Variants in IGSF11 observed in about 807,000 individuals in gnomAD.
The protein encoded by IGSF11 is CXADR like 1.
IGSF11 carries 22 observed loss-of-function variants against 41.0 expected under a neutral mutation model. That is an observed-to-expected ratio of 0.54 (90% CI 0.38 to 0.77). The LOEUF is 0.77. IGSF11 is among the 30% of genes least tolerant of loss of function. IGSF11 has a pLI of 0.00. For missense variants in IGSF11, 444 were observed against 530.8 expected, an observed-to-expected ratio of 0.84 and a Z score of 1.61; for synonymous variants, 219 against 201.3, an observed-to-expected ratio of 1.09 and a Z score of -0.74.
At chr3:119,098,720 T>A (rs2076894956) in intron 1 of IGSF11, among the ~76,000 whole-genome samples, 2 of 152,224 alleles carry the variant, frequency 1.3e-5, no homozygotes, top group Admixed American at 1.3e-4. Flanking sequence ...GGAAAAGGCA[T>A]TTTGTGCAAT....
At chr3:119,042,926 A>G (rs892793262) in intron 1 of IGSF11, among the ~76,000 whole-genome samples, 1 of 152,154 alleles carries the variant, frequency 6.6e-6, no homozygotes, top group Non-Finnish European at 1.5e-5. Flanking sequence ...AGAGCTCCCA[A>G]GATGGTGGCG....
chr3:119,045,061 C>G (rs1272770383), intron 1 of IGSF11, among the ~76,000 whole-genome samples: 2 of 152,190 alleles, frequency 1.3e-5, no homozygotes, highest in Non-Finnish European at 2.9e-5. Flanking sequence ...TCAATACTAA[C>G]ACTGAATGTA....
intron 1 of IGSF11, among the ~76,000 whole-genome samples, chr3:118,965,202 A>G (rs750138465): frequency 1.6e-4 from 25 of 151,958 alleles, no homozygotes; most frequent in Non-Finnish European, 3.2e-4. Context: ...AATATAAATA[A>G]CCCCCAGATC....
At position 118,928,539 on chromosome 3, in the gene IGSF11, T is replaced by TCCTGCC; in HGVS notation, c.388_393dup (p.Gly130_Arg131dup). 6.2e-7 allele frequency: 1 copy of TCCTGCC among 1,613,278 alleles called. No individual in the cohort carries two copies. Among genetic ancestry groups the TCCTGCC allele is most frequent in the Non-Finnish European group, 8.5e-7 (1 of 1,179,948 alleles). On this transcript the variant is annotated inframe_insertion, in exon 3 of 7. Transcript: ENST00000393775. ...ACTGTGAGACCGGTGACCCCAATGT[T>TCCTGCC]CCTGCCCCCTATGTCTGGAAGGTTG...
chr3:118,953,694 T>G (rs985562727), intron 1 of IGSF11, among the ~76,000 whole-genome samples: 1 of 152,074 alleles, frequency 6.6e-6, no homozygotes, highest in Non-Finnish European at 1.5e-5. Flanking sequence ...TGGCCACTTG[T>G]ATGTCTTCTT....
intron 1 of IGSF11, among the ~76,000 whole-genome samples, chr3:119,074,614 G>C (rs950635574): frequency 6.6e-6 from 1 of 151,024 alleles, no homozygotes; most frequent in African/African-American, 2.4e-5. Flanking sequence ...CCAGCACTTT[G>C]GGAGGCCGAG....
At chr3:119,082,861 A>C (rs1466481634) in intron 1 of IGSF11, among the ~76,000 whole-genome samples, 1 of 152,230 alleles carries the variant, frequency 6.6e-6, no homozygotes, top group Non-Finnish European at 1.5e-5. Context: ...CCAAATCTAC[A>C]TAAAAGTAGG....
intron 1 of IGSF11, among the ~76,000 whole-genome samples, chr3:119,009,691 G>C (rs1008661677): frequency 2.0e-5 from 3 of 152,092 alleles, no homozygotes; most frequent in African/African-American, 7.2e-5. Flanking sequence ...ATGATCAACA[G>C]GAATTAACAG....
intron 1 of IGSF11, among the ~76,000 whole-genome samples, chr3:119,122,014 T>G (rs1461270134): frequency 6.6e-6 from 1 of 152,140 alleles, no homozygotes; most frequent in Non-Finnish European, 1.5e-5. Context: ...GAGTAGAAGG[T>G]TGCACTAATT....
At chr3:119,067,074 T>C (rs1311390451) in intron 1 of IGSF11, among the ~76,000 whole-genome samples, 1 of 152,194 alleles carries the variant, frequency 6.6e-6, no homozygotes, top group African/African-American at 2.4e-5. Flanking sequence ...ATACATCCTA[T>C]TTGTCTTGCC....
At chr3:118,924,382 G>GA (rs1034439303) in intron 4 of IGSF11, among the ~76,000 whole-genome samples, 1 of 151,810 alleles carries the variant, frequency 6.6e-6, no homozygotes, top group Non-Finnish European at 1.5e-5. Flanking sequence ...TAAATCTTCT[G>GA]AAAAAAATCT....
intron 1 of IGSF11, among the ~76,000 whole-genome samples, chr3:118,984,536 A>G (rs1292449211): frequency 6.6e-6 from 1 of 152,144 alleles, no homozygotes; most frequent in African/African-American, 2.4e-5. Flanking sequence ...GGATAGAAAA[A>G]AATAGAAAGA....
chr3:118,984,420 A>C (rs1935054389), intron 1 of IGSF11, among the ~76,000 whole-genome samples: 1 of 152,222 alleles, frequency 6.6e-6, no homozygotes, highest in African/African-American at 2.4e-5. Context: ...AATGTATCTA[A>C]GAAAAGAACT....
Position 119,080,101 on chromosome 3 carries a change from TTATC to T in IGSF11, c.49+25039_49+25042del, listed in dbSNP as rs531618390. On this transcript the variant is annotated intron_variant, in intron 1 of 6. Transcript: ENST00000354673. The stretch of plus-strand genomic sequence containing the variant: ...GCAGCCCTACTAAGTAAGTAATTAT[TTATC>T]TATCAAATTGCACATCTGCCTCCAT... Among the ~76,000 whole-genome samples the T allele has an allele frequency of 4.9e-3, 742 of 152,290 alleles. 2 individuals carry two copies. The highest frequency in any genetic ancestry group is 0.017 in the African/African-American group (700 of 41,544).
At chr3:119,058,480 G>A (rs1361762131) in intron 1 of IGSF11, among the ~76,000 whole-genome samples, 1 of 151,404 alleles carries the variant, frequency 6.6e-6, no homozygotes, top group Non-Finnish European at 1.5e-5. Context: ...AACAACAGGT[G>A]CTGGAGAGGA....
chr3:119,123,810 G>T (rs2077365096), intron 1 of IGSF11, among the ~76,000 whole-genome samples: 1 of 152,184 alleles, frequency 6.6e-6, no homozygotes, highest in Non-Finnish European at 1.5e-5. Flanking sequence ...CTGAGCTCAA[G>T]GTGCCCCCTA....
chr3:119,087,024 ACACCCACAGGCTCAAAG>A (rs2076686898), intron 1 of IGSF11, among the ~76,000 whole-genome samples: 1 of 152,256 alleles, frequency 6.6e-6, no homozygotes, highest in Admixed American at 6.5e-5. Flanking sequence ...ACATGTAATG[ACACCCACAGGCTCAAAG>A]TAAAAGGGTG....
intron 1 of IGSF11, among the ~76,000 whole-genome samples, chr3:119,103,356 G>A (rs1461754461): frequency 1.3e-5 from 2 of 151,562 alleles, no homozygotes; most frequent in Admixed American, 6.6e-5. Context: ...TTCTCTGCTT[G>A]TTTTGGTGTC....
intron 1 of IGSF11, among the ~76,000 whole-genome samples, chr3:118,937,864 T>G (rs1943392880): frequency 6.6e-6 from 1 of 152,192 alleles, no homozygotes; most frequent in African/African-American, 2.4e-5. Context: ...CCTTTAGATA[T>G]AATTTCAGTG....
Sources: gnomAD v4.1 joint callset for allele counts (sites outside exome capture counted in the v4.1 genomes callset) on GRCh38, gnomAD v4.1.1 for gene constraint, MANE v1.5 for transcripts, NCBI Gene and HGNC (gene_info 2026-07-23, HGNC 2026-07-21) for gene names.